Variants in NFIA observed in about 807,000 individuals in gnomAD.
The protein encoded by NFIA is nuclear factor I A.
In NFIA, 8 loss-of-function variants were observed where a neutral mutation model predicts 62.8. The ratio of observed to expected loss-of-function variants is 0.13; its 90% confidence interval spans 0.07 to 0.23. NFIA has a LOEUF of 0.23. Ranked by LOEUF, NFIA falls within the 10% of genes least tolerant of loss-of-function variation. NFIA has a pLI of 1.00. For synonymous variants in NFIA, 235 were observed against 238.1 expected (o/e 0.99, Z 0.12); for missense variants, 410 against 642.1 (o/e 0.64, Z 3.91).
chr1:61,161,175 A>G (rs1239656712), intron 2 of NFIA, among the ~76,000 whole-genome samples: 1 of 152,238 alleles, frequency 6.6e-6, no homozygotes, highest in East Asian at 1.9e-4. Flanking sequence ...TTGGCCTCCC[A>G]AAGTGCTGGG....
chr1:61,184,764 T>C (rs1329229810), intron 2 of NFIA, among the ~76,000 whole-genome samples: 1 of 152,124 alleles, frequency 6.6e-6, no homozygotes, highest in East Asian at 1.9e-4. Flanking sequence ...AAAAGCATTG[T>C]CACTTTGGGG....
intron 2 of NFIA, among the ~76,000 whole-genome samples, chr1:61,102,394 T>C (rs1181822261): frequency 6.6e-6 from 1 of 152,200 alleles, no homozygotes; most frequent in Admixed American, 6.5e-5. Context: ...TTTAGCAATA[T>C]TTGATGTTTC....
chr1:61,430,251 T>C (rs1406353416), intron 10 of NFIA, among the ~76,000 whole-genome samples: 1 of 152,216 alleles, frequency 6.6e-6, no homozygotes, highest in Non-Finnish European at 1.5e-5. Context: ...GCCCAGCACA[T>C]AGTGGGTACT....
In NFIA at chr1:61,106,903, GT is replaced by G. The variant is rs532383153; in HGVS notation, c.559+18230del. ...CTAAATATATTGTTCAGTTTTGCTT[GT>G]TTTTTTAAGTTTTATAAAAAATCAT... On this transcript the variant is annotated intron_variant, in intron 2 of 10. Transcript: ENST00000403491. Among the ~76,000 whole-genome samples, 103 of 150,074 alleles carry G rather than the reference GT, an allele frequency of 6.9e-4. 2 individuals carry two copies. The highest frequency in any genetic ancestry group is 2.1e-3 in the African/African-American group (87 of 40,960).
chr1:61,404,406 G>GTCATATTTA (rs1337517447), intron 8 of NFIA, 124 bp downstream of exon 8: 15 of 987,950 alleles, frequency 1.5e-5, no homozygotes, highest in Non-Finnish European at 2.0e-5. Flanking sequence ...GCAGGCAAAT[G>GTCATATTTA]TCATATTTAT....
At chr1:61,239,797 AGT>A (rs1385002927) in intron 2 of NFIA, among the ~76,000 whole-genome samples, 1 of 152,172 alleles carries the variant, frequency 6.6e-6, no homozygotes, top group African/African-American at 2.4e-5. Flanking sequence ...TTCATCAGAT[AGT>A]GTTAGATATC....
chr1:61,417,257 C>T (rs1666391019), intron 9 of NFIA, among the ~76,000 whole-genome samples: 1 of 119,782 alleles, frequency 8.3e-6, no homozygotes, highest in African/African-American at 2.9e-5. Context: ...GGTTTTGTTT[C>T]CTCATCTTTG....
Position 61,406,552 on chromosome 1 carries a change from C to CAT in NFIA, c.1255-10_1255-9insAT, listed in dbSNP as rs780565809. The CAT allele has an allele frequency of 3.2e-6, 4 of 1,250,754 alleles. 1 individual carries two copies. Among genetic ancestry groups the CAT allele is most frequent in the Non-Finnish European group, 4.3e-6 (4 of 925,804 alleles). 77.5% of individuals were successfully genotyped at this position (1,250,754 alleles called of 1,614,324 possible). A position where few individuals can be genotyped will look rare whatever the true frequency, so the allele number is the denominator to read the frequency against. On this transcript the variant is annotated splice_polypyrimidine_tract_variant and intron_variant, in intron 8 of 10. Transcript: ENST00000403491. ...TGTACGTGTGTTTTCTGCCCCCCCC[C>CAT]CCCCCACAGCCCAATGGGAGCAGCC...
chr1:61,083,450 C>G (rs1186767092), intron 1 of NFIA, among the ~76,000 whole-genome samples: 8 of 152,094 alleles, frequency 5.3e-5, no homozygotes, highest in Non-Finnish European at 1.2e-4. Flanking sequence ...GCGGAAAGGA[C>G]GCGGGCTCCC....
At chr1:61,162,515 G>C (rs1467177301) in intron 2 of NFIA, among the ~76,000 whole-genome samples, 1 of 152,170 alleles carries the variant, frequency 6.6e-6, no homozygotes, top group Non-Finnish European at 1.5e-5. Context: ...CAAGGCCTGG[G>C]TGGGATGGCT....
At chr1:61,192,863 A>G (rs1361389528) in intron 2 of NFIA, among the ~76,000 whole-genome samples, 1 of 152,156 alleles carries the variant, frequency 6.6e-6, no homozygotes, top group Admixed American at 6.5e-5. Flanking sequence ...ACCCATGGTA[A>G]TGTGTCTCAT....
chr1:61,387,856 G>A (rs555166323), intron 7 of NFIA, among the ~76,000 whole-genome samples: 1 of 152,322 alleles, frequency 6.6e-6, no homozygotes, highest in African/African-American at 2.4e-5. Context: ...AGTTCATGCA[G>A]TACTTCCTTG....
At chr1:61,136,752 G>T (rs1475005257) in intron 2 of NFIA, among the ~76,000 whole-genome samples, 2 of 152,032 alleles carry the variant, frequency 1.3e-5, no homozygotes, top group African/African-American at 4.8e-5. Flanking sequence ...GGAAGTTTTG[G>T]CAGACCTGGG....
chr1:61,139,990 G>A (rs899866552), intron 2 of NFIA, among the ~76,000 whole-genome samples: 8 of 151,272 alleles, frequency 5.3e-5, no homozygotes, highest in Non-Finnish European at 1.2e-4. Flanking sequence ...TGACCTGGTA[G>A]AAATCCAGAC....
chr1:61,407,883 C>A (rs1350943491), intron 9 of NFIA, among the ~76,000 whole-genome samples: 1 of 152,040 alleles, frequency 6.6e-6, no homozygotes, highest in African/African-American at 2.4e-5. Context: ...TGGATGAATG[C>A]GGTGAATGAA....
chr1:61,134,465 T>G (rs1647142679), intron 2 of NFIA, among the ~76,000 whole-genome samples: 1 of 152,180 alleles, frequency 6.6e-6, no homozygotes. Context: ...TCTGCTGTTT[T>G]CTCATGTCCA....
chr1:61,225,500 C>T (rs1364984550), intron 2 of NFIA, among the ~76,000 whole-genome samples: 1 of 151,030 alleles, frequency 6.6e-6, no homozygotes, highest in African/African-American at 2.4e-5. Context: ...CCGCCTGCCT[C>T]GGCCTCCCAA....
chr1:61,271,315 A>T (rs1050715569), intron 2 of NFIA, among the ~76,000 whole-genome samples: 6 of 152,206 alleles, frequency 3.9e-5, no homozygotes, highest in Admixed American at 1.3e-4. Flanking sequence ...TCTTCAACTT[A>T]AACAGTCTTA....
intron 3 of NFIA, 47 bp from the exon 4 acceptor site, chr1:61,332,465 G>A (rs762317660): frequency 2.6e-6 from 4 of 1,532,438 alleles, no homozygotes; most frequent in South Asian, 2.2e-5. Context: ...GTTGTCAAAT[G>A]TCTTGTATTT....
Sources: allele counts gnomAD v4.1 joint callset (sites outside exome capture counted in the v4.1 genomes callset), GRCh38; gene constraint gnomAD v4.1.1; transcripts MANE v1.5; gene names NCBI Gene and HGNC (gene_info 2026-07-23, HGNC 2026-07-21).